DIP2C: variants seen among roughly 807,000 people sequenced by gnomAD.
DIP2C encodes disco-interacting protein 2 homolog C.
Under a neutral mutation model 192.4 loss-of-function variants are expected in DIP2C, and 33 were observed. The ratio of observed to expected loss-of-function variants is 0.17; its 90% CI spans 0.13 to 0.23. The LOEUF is 0.23. Ranked by LOEUF, DIP2C falls within the 10% of genes least tolerant of loss-of-function variation. DIP2C has a pLI of 1.00. For synonymous variants in DIP2C, 979 were observed against 864.1 expected, an observed-to-expected ratio of 1.13 and a Z score of -2.33; for missense variants, 1,537 against 2,110.1, an observed-to-expected ratio of 0.73 and a Z score of 5.32.
chr10:657,180 CCTGGACCTGATG>C (rs1856401000), intron 1 of DIP2C, among the ~76,000 whole-genome samples: 1 of 135,150 alleles, frequency 7.4e-6, no homozygotes, highest in East Asian at 2.3e-4. Flanking sequence ...TGGACCTCTC[CCTGGACCTGATG>C]CTGGACCTGC....
chr10:332,159 C>T (rs888479473), intron 29 of DIP2C, among the ~76,000 whole-genome samples: 2 of 152,086 alleles, frequency 1.3e-5, no homozygotes, highest in African/African-American at 4.8e-5. Context: ...ACTATGTTGC[C>T]CAAGCTGGTC....
At chr10:446,803 G>A (rs1452149689) in intron 3 of DIP2C, among the ~76,000 whole-genome samples, 2 of 152,168 alleles carry the variant, frequency 1.3e-5, no homozygotes, top group Admixed American at 6.5e-5. Flanking sequence ...TTCAACAGAT[G>A]TTTTTCAGCA....
intron 14 of DIP2C, among the ~76,000 whole-genome samples, chr10:385,587 C>T (rs1264322026): frequency 6.6e-5 from 10 of 152,178 alleles, no homozygotes; most frequent in South Asian, 6.2e-4. Context: ...TGGCTCTGGC[C>T]GGGCCTTGCT....
chr10:597,842 T>TC (rs1401758239), intron 1 of DIP2C, among the ~76,000 whole-genome samples: 1 of 152,076 alleles, frequency 6.6e-6, no homozygotes, highest in African/African-American at 2.4e-5. Context: ...GTCCTAGGGG[T>TC]CCTGAGTCCT....
At chr10:657,742 A>T (rs374230169) in intron 1 of DIP2C, among the ~76,000 whole-genome samples, 2 of 122,624 alleles carry the variant, frequency 1.6e-5, no homozygotes, top group African/African-American at 6.5e-5. Flanking sequence ...GCTGGACCTG[A>T]CACTGGACCT....
At chr10:397,169 C>T (rs1438493091) in intron 10 of DIP2C, among the ~76,000 whole-genome samples, 3 of 152,064 alleles carry the variant, frequency 2.0e-5, no homozygotes, top group Non-Finnish European at 4.4e-5. Flanking sequence ...AGTTTCTTTG[C>T]CTGGGCTACC....
In DIP2C at chr10:363,296, C is replaced by T. The variant is rs746711764; in HGVS notation, c.2493G>A (p.Ser831=). 12 of 1,611,484 alleles carry T rather than the reference C, an allele frequency of 7.4e-6. No homozygotes were observed. The highest frequency in any genetic ancestry group is 2.7e-5 in the African/African-American group (2 of 74,910). Residue 831 remains serine, a synonymous_variant, in exon 21 of 37, where the codon TCG becomes TCA. Transcript: ENST00000280886. This position sits in a 1 kb window ranked among gnomAD's most constrained non-coding sequence, Gnocchi z 5.4. The part of the protein sequence containing the change: ...FVYRGRIAVF[S]VTVLHDERIV... ...TCCTCTCGTCGTGCAGCACGGTCACCGAGAACACGGCTATCCTGCGGGGAC... is the reference window on the plus strand; with the variant it reads ...TCCTCTCGTCGTGCAGCACGGTCACTGAGAACACGGCTATCCTGCGGGGAC...
At chr10:589,625 T>C (rs1851285389) in intron 1 of DIP2C, among the ~76,000 whole-genome samples, 1 of 152,232 alleles carries the variant, frequency 6.6e-6, no homozygotes, top group Admixed American at 6.5e-5. Flanking sequence ...GACTCCACTC[T>C]GTCAGCTAAC....
chr10:653,207 G>A (rs1221630904), intron 1 of DIP2C, among the ~76,000 whole-genome samples: 1 of 152,122 alleles, frequency 6.6e-6, no homozygotes, highest in African/African-American at 2.4e-5. Context: ...CCAGCACTTT[G>A]GGAGGCCAAG....
chr10:433,785 T>C (rs745865135), intron 4 of DIP2C, among the ~76,000 whole-genome samples: 4 of 152,260 alleles, frequency 2.6e-5, no homozygotes, highest in African/African-American at 9.6e-5. Flanking sequence ...ATTTCTTATA[T>C]AGACAATATA....
chr10:393,206 T>C (rs973575823), intron 10 of DIP2C, among the ~76,000 whole-genome samples: 2 of 152,210 alleles, frequency 1.3e-5, no homozygotes, highest in African/African-American at 4.8e-5. Flanking sequence ...TAGGTTCTCA[T>C]CAGGGTCTTT....
chr10:509,805 C>G (rs577804141), intron 1 of DIP2C, among the ~76,000 whole-genome samples: 2 of 152,216 alleles, frequency 1.3e-5, no homozygotes, highest in South Asian at 4.2e-4. Flanking sequence ...GCCCACGCTT[C>G]GGCATGGAGA....
intron 31 of DIP2C, among the ~76,000 whole-genome samples, chr10:324,051 C>T (rs1323384518): frequency 6.6e-6 from 1 of 152,200 alleles, no homozygotes; most frequent in Non-Finnish European, 1.5e-5. Flanking sequence ...TCCGCCCTTT[C>T]ACTGTGCTCT....
At chr10:642,635 G>T in intron 1 of DIP2C, among the ~76,000 whole-genome samples, 1 of 152,228 alleles carries the variant, frequency 6.6e-6, no homozygotes, top group East Asian at 1.9e-4. Flanking sequence ...AAAGCTGAAG[G>T]GCGTGTGCCA....
intron 1 of DIP2C, among the ~76,000 whole-genome samples, chr10:494,463 T>C (rs1182962299): frequency 1.3e-5 from 2 of 152,252 alleles, no homozygotes; most frequent in African/African-American, 4.8e-5. Context: ...TTTAAGTCTC[T>C]GCAGAATCAT....
intron 1 of DIP2C, among the ~76,000 whole-genome samples, chr10:559,429 G>A (rs965829990): frequency 6.6e-6 from 1 of 152,088 alleles, no homozygotes; most frequent in Non-Finnish European, 1.5e-5. Context: ...TTTTGTTGAG[G>A]AAGGAACATA....
intron 1 of DIP2C, among the ~76,000 whole-genome samples, chr10:585,149 A>G (rs1850939388): frequency 6.6e-6 from 1 of 152,212 alleles, no homozygotes; most frequent in South Asian, 2.1e-4. Context: ...CTTTTCCCTC[A>G]ACACAAAACA....
intron 7 of DIP2C, among the ~76,000 whole-genome samples, chr10:414,739 G>GTGTGTATATATA: frequency 0.06 from 5,434 of 90,338 alleles, 551 homozygotes; most frequent in Admixed American, 0.094. Context: ...GTGTGTGTGT[G>GTGTGTATATATA]TACATATATA....
intron 14 of DIP2C, 90 bp downstream of exon 14, chr10:387,655 C>T: frequency 9.4e-7 from 1 of 1,063,740 alleles, no homozygotes; most frequent in Non-Finnish European, 1.4e-6. Context: ...TGTGGACAGA[C>T]AGTATGGGGA....
Sources: allele counts gnomAD v4.1 joint callset (sites outside exome capture counted in the v4.1 genomes callset), GRCh38; gene constraint gnomAD v4.1.1; non-coding constraint Gnocchi (gnomAD v3.1); transcripts MANE v1.5; gene names NCBI Gene and HGNC (gene_info 2026-07-23, HGNC 2026-07-21).